Variants in TRAK1 observed in about 807,000 individuals in gnomAD.
The protein encoded by TRAK1 is trafficking kinesin-binding protein 1.
A neutral mutation model predicts 92.1 loss-of-function variants in TRAK1; 33 were observed. The observed-to-expected ratio is 0.36, with a 90% CI of 0.27 to 0.48. The LOEUF (loss-of-function observed/expected upper bound fraction) is 0.48, where lower values mean the gene tolerates loss of function less well. TRAK1 is among the 20% of genes least tolerant of loss of function. The probability of loss-of-function intolerance (pLI) is 0.99; values close to 1 mark genes in which losing one functional copy is unlikely to be tolerated. For missense variants in TRAK1, 1,123 were observed against 1,257.9 expected, an observed-to-expected ratio of 0.89 and a Z score of 1.62; for synonymous variants, 521 against 517.3, an observed-to-expected ratio of 1.01 and a Z score of -0.10.
At chr3:42,167,562 T>C (rs558826015) in intron 2 of TRAK1, among the ~76,000 whole-genome samples, 2 of 152,320 alleles carry the variant, frequency 1.3e-5, no homozygotes, top group African/African-American at 4.8e-5. Context: ...TTCATCAAAA[T>C]AGCTACATTT....
At chr3:42,200,740 G>C in intron 11 of TRAK1, 78 bp from the exon 12 acceptor site, 1 of 1,486,294 alleles carries the variant, frequency 6.7e-7, no homozygotes, top group East Asian at 2.3e-5. Context: ...TTTTGGCTCA[G>C]TTGATCATTT....
chr3:42,205,446 G>A (rs1279139910), intron 13 of TRAK1, among the ~76,000 whole-genome samples: 1 of 152,136 alleles, frequency 6.6e-6, no homozygotes, highest in Non-Finnish European at 1.5e-5. Flanking sequence ...TCTGCTTATT[G>A]TGAAAGCCAA....
intron 3 of TRAK1, among the ~76,000 whole-genome samples, chr3:42,180,072 A>G (rs1013376646): frequency 2.6e-5 from 4 of 152,048 alleles, no homozygotes; most frequent in African/African-American, 9.7e-5. Context: ...AACATTAATC[A>G]TATTTTGGCT....
At chr3:42,084,612 C>T (rs370389981), upstream of TRAK1, among the ~76,000 whole-genome samples, 17 of 152,068 alleles carry the variant, frequency 1.1e-4, no homozygotes, top group Admixed American at 7.9e-4. Context: ...TGGCTTCAGC[C>T]GGTGAATTCC....
At chr3:42,139,437 G>A (rs963154298) in intron 2 of TRAK1, among the ~76,000 whole-genome samples, 1 of 152,172 alleles carries the variant, frequency 6.6e-6, no homozygotes, top group Non-Finnish European at 1.5e-5. Context: ...CCAGGTGTGG[G>A]CCTGGGTCTC....
At chr3:42,099,283 C>T (rs1344873054) in intron 1 of TRAK1, among the ~76,000 whole-genome samples, 3 of 151,832 alleles carry the variant, frequency 2.0e-5, no homozygotes, top group African/African-American at 4.8e-5. Flanking sequence ...TGGGCATAGG[C>T]GGGGGTAACC....
chr3:42,029,388 G>A (rs530459741), intron 1 of TRAK1, among the ~76,000 whole-genome samples: 3 of 151,396 alleles, frequency 2.0e-5, no homozygotes, highest in Non-Finnish European at 2.9e-5. Flanking sequence ...GCAGGTGCGC[G>A]CCACCATGCC....
At chr3:42,204,126 G>A (rs1708049813) in intron 13 of TRAK1, 1 of 985,756 alleles carries the variant, frequency 1.0e-6, no homozygotes, top group Middle Eastern at 5.2e-4. Flanking sequence ...TGTAAGCTTG[G>A]TGATTGTTTT....
chr3:42,184,616 T>G, intron 3 of TRAK1, 69 bp from the exon 4 acceptor site: 1 of 1,429,494 alleles, frequency 7.0e-7, no homozygotes, highest in Non-Finnish European at 9.7e-7. Context: ...CATTTGACAC[T>G]GAGCACCATT....
intron 2 of TRAK1, among the ~76,000 whole-genome samples, chr3:42,148,884 G>C (rs1699629270): frequency 6.6e-6 from 1 of 152,132 alleles, no homozygotes; most frequent in Non-Finnish European, 1.5e-5. Context: ...ATTTTAAAAG[G>C]TGGCAGATTT....
At chr3:42,160,578 T>G (rs552616319) in intron 2 of TRAK1, 1 of 1,271,048 alleles carries the variant, frequency 7.9e-7, no homozygotes, top group East Asian at 2.6e-5. Flanking sequence ...TGTTTTTTTT[T>G]AAGTTGAGGT....
At chr3:42,161,608 T>G (rs1701283058) in intron 2 of TRAK1, among the ~76,000 whole-genome samples, 1 of 152,238 alleles carries the variant, frequency 6.6e-6, no homozygotes. Flanking sequence ...CTGGAACTTT[T>G]GTTTTCAACA....
intron 1 of TRAK1, among the ~76,000 whole-genome samples, chr3:42,078,433 AAAGG>A (rs1339543517): frequency 1.3e-5 from 2 of 152,246 alleles, no homozygotes; most frequent in East Asian, 3.9e-4. Context: ...TAAAAACAGA[AAAGG>A]AAGGCAGAAG....
chr3:42,131,304 A>G (rs764462307), intron 2 of TRAK1, among the ~76,000 whole-genome samples: 1 of 152,152 alleles, frequency 6.6e-6, no homozygotes, highest in Non-Finnish European at 1.5e-5. Context: ...ACTTGCCCCC[A>G]GAGTTCCCTT....
chr3:42,166,472 C>G (rs1309978848), intron 2 of TRAK1, among the ~76,000 whole-genome samples: 1 of 152,144 alleles, frequency 6.6e-6, no homozygotes, highest in East Asian at 1.9e-4. Context: ...CAAACCTGCT[C>G]CAAGTCCATG....
intron 2 of TRAK1, among the ~76,000 whole-genome samples, chr3:42,152,902 T>G (rs1700110856): frequency 6.6e-6 from 1 of 152,192 alleles, no homozygotes; most frequent in Non-Finnish European, 1.5e-5. Flanking sequence ...CCATGTGGTA[T>G]GGGAACATCC....
At chr3:42,151,399 A>G (rs867309239) in intron 2 of TRAK1, 1 of 456,370 alleles carries the variant, frequency 2.2e-6, no homozygotes, top group African/African-American at 2.0e-5. Flanking sequence ...AGAGCAAAGG[A>G]AAATAGAAGA....
At chr3:42,027,789 C>A (rs984391790) in intron 1 of TRAK1, among the ~76,000 whole-genome samples, 1 of 152,102 alleles carries the variant, frequency 6.6e-6, no homozygotes, top group Non-Finnish European at 1.5e-5. Context: ...TTTTTCACTT[C>A]TCTAATTTTA....
intron 1 of TRAK1, among the ~76,000 whole-genome samples, chr3:42,080,893 G>C (rs376688401): frequency 6.6e-6 from 1 of 150,504 alleles, no homozygotes; most frequent in African/African-American, 2.4e-5. Context: ...CTTTTTTTTT[G>C]AGATAGGATC....
Sources: gnomAD v4.1 joint callset for allele counts (sites outside exome capture counted in the v4.1 genomes callset) on GRCh38, gnomAD v4.1.1 for gene constraint, MANE v1.5 for transcripts, NCBI Gene and HGNC (gene_info 2026-07-23, HGNC 2026-07-21) for gene names.